GXYLT2: variants seen among roughly 807,000 people sequenced by gnomAD.
GXYLT2 encodes glycosyltransferase 8 domain containing 4.
A neutral mutation model predicts 45.8 loss-of-function variants in GXYLT2; 53 were observed. That is an observed-to-expected ratio of 1.16 (90% CI 0.93 to 1.46). The LOEUF (loss-of-function observed/expected upper bound fraction) is 1.46. Ranked by LOEUF, GXYLT2 falls within the 40% of genes most tolerant of loss-of-function variation. GXYLT2 has a pLI of 0.00. For missense variants in GXYLT2, 551 were observed against 544.4 expected (o/e 1.01, Z -0.12); for synonymous variants, 219 against 214.2 (o/e 1.02, Z -0.19).
chr3:72,930,017 T>G (rs1709997643), intron 3 of GXYLT2, among the ~76,000 whole-genome samples: 2 of 150,072 alleles, frequency 1.3e-5, no homozygotes, highest in African/African-American at 4.9e-5. Flanking sequence ...AAATACAAAA[T>G]TAGCTGGGCG....
chr3:72,962,703 T>C (rs1257496325), intron 5 of GXYLT2, among the ~76,000 whole-genome samples: 1 of 152,150 alleles, frequency 6.6e-6, no homozygotes, highest in Non-Finnish European at 1.5e-5. Flanking sequence ...CTACCTTTTG[T>C]TGGAGGAGGT....
chr3:72,900,461 T>C (rs1451077315), intron 1 of GXYLT2, among the ~76,000 whole-genome samples: 1 of 152,132 alleles, frequency 6.6e-6, no homozygotes, highest in Non-Finnish European at 1.5e-5. Flanking sequence ...TTGCCCAGGC[T>C]GGAATGCAAA....
intron 1 of GXYLT2, among the ~76,000 whole-genome samples, chr3:72,891,507 A>G (rs1019357784): frequency 3.3e-5 from 5 of 152,176 alleles, no homozygotes; most frequent in Non-Finnish European, 7.3e-5. Context: ...CTCCTTCTCT[A>G]TAAATATAAA....
intron 3 of GXYLT2, among the ~76,000 whole-genome samples, chr3:72,934,868 A>G (rs1171650959): frequency 6.6e-6 from 1 of 152,242 alleles, no homozygotes; most frequent in Non-Finnish European, 1.5e-5. Flanking sequence ...AGAAAATTAC[A>G]GAGATTTGGA....
At chr3:72,929,446 T>C (rs1709983118) in intron 3 of GXYLT2, 4 of 1,488,458 alleles carry the variant, frequency 2.7e-6, no homozygotes, top group East Asian at 2.3e-5. Flanking sequence ...TGTGACTTCA[T>C]TGAGACACAT....
At chr3:72,972,033 C>T (rs923310987) in intron 6 of GXYLT2, among the ~76,000 whole-genome samples, 3 of 151,356 alleles carry the variant, frequency 2.0e-5, no homozygotes, top group South Asian at 4.1e-4. Context: ...TTCTCTCTCT[C>T]TTCTTGCTTA....
At position 72,952,084 on chromosome 3, in the gene GXYLT2, C is replaced by T. The variant is rs113118637; in HGVS notation, c.601-3014C>T. Among the ~76,000 whole-genome samples the T allele has an allele frequency of 8.6e-3, 1,296 of 151,198 alleles. 12 individuals are homozygous for T. Among genetic ancestry groups the T allele is most frequent in the African/African-American group, 0.03 (1,241 of 41,052 alleles). ...GTGTCATCATTTCGGCTCACTGCAA[C>T]GCTCACCTCCCGGGCTCAAGCAATT... On this transcript the variant is annotated intron_variant, in intron 3 of 6. Transcript: ENST00000389617.
chr3:72,957,403 C>A lies in GXYLT2; in HGVS notation c.976+51C>A, dbSNP rs1257606171. On this transcript the variant is annotated intron_variant, in intron 5 of 6. Coordinates refer to ENST00000389617, the MANE Select transcript of GXYLT2 (RefSeq NM_001080393.2). Reference sequence around the variant, plus strand: ...TTGTGTAGGAGTACACTCAGCACACCCCACGGAGCACATTCCATGCCCGGG... The same window carrying A: ...TTGTGTAGGAGTACACTCAGCACACACCACGGAGCACATTCCATGCCCGGG... The A allele has an allele frequency of 9.1e-6, 14 of 1,530,336 alleles. No homozygotes were observed. The East Asian group carries it at 3.2e-4, about 35-fold the overall frequency. 94.8% of individuals were successfully genotyped at this position (1,530,336 alleles called of 1,614,324 possible).
intron 6 of GXYLT2, among the ~76,000 whole-genome samples, chr3:72,972,837 T>TG (rs1711017930): frequency 9.0e-6 from 1 of 111,548 alleles, no homozygotes; most frequent in Non-Finnish European, 1.8e-5. Context: ...GGGTTGGGGC[T>TG]GGGGTGGGAA....
chr3:72,906,172 A>G (rs1316591485), intron 1 of GXYLT2, among the ~76,000 whole-genome samples: 1 of 152,194 alleles, frequency 6.6e-6, no homozygotes, highest in Non-Finnish European at 1.5e-5. Context: ...GTTGACTTAA[A>G]TAGCAAACAT....
intron 3 of GXYLT2, among the ~76,000 whole-genome samples, chr3:72,935,726 A>G (rs976237319): frequency 6.6e-6 from 1 of 152,238 alleles, no homozygotes; most frequent in Admixed American, 6.5e-5. Flanking sequence ...CACAGGCAAC[A>G]TTATTTTCAA....
intron 5 of GXYLT2, among the ~76,000 whole-genome samples, chr3:72,965,304 C>G (rs1710844703): frequency 6.6e-6 from 1 of 152,198 alleles, no homozygotes; most frequent in African/African-American, 2.4e-5. Flanking sequence ...TATTTGCTTT[C>G]CATCTTGAAG....
chr3:72,913,649 T>G (rs1389146794), intron 2 of GXYLT2, among the ~76,000 whole-genome samples: 1 of 151,996 alleles, frequency 6.6e-6, no homozygotes, highest in Non-Finnish European at 1.5e-5. Context: ...GAGCCAAGAT[T>G]ACGCCACTGT....
chr3:72,907,204 C>T (rs1013059046), intron 1 of GXYLT2, among the ~76,000 whole-genome samples: 2 of 152,184 alleles, frequency 1.3e-5, no homozygotes, highest in African/African-American at 4.8e-5. Flanking sequence ...TAACTCTCCG[C>T]ATCTGGTCTT....
At chr3:72,950,445 T>C (rs1283816098) in intron 3 of GXYLT2, among the ~76,000 whole-genome samples, 1 of 151,810 alleles carries the variant, frequency 6.6e-6, no homozygotes, top group Admixed American at 6.6e-5. Flanking sequence ...CAGGCGACAG[T>C]GCGAGACTTC....
chr3:72,928,803 A>G (rs552367389), intron 3 of GXYLT2, among the ~76,000 whole-genome samples: 3 of 152,150 alleles, frequency 2.0e-5, no homozygotes, highest in Admixed American at 6.6e-5. Context: ...AACCCCATAA[A>G]AAAATAAATT....
chr3:72,904,877 C>CAAAAAAAA (rs774693806), intron 1 of GXYLT2, among the ~76,000 whole-genome samples: 2 of 30,636 alleles, frequency 6.5e-5, no homozygotes, highest in African/African-American at 1.6e-4. Flanking sequence ...ACTAAAGATA[C>CAAAAAAAA]AAAAAAAAAA....
chr3:72,903,493 C>T (rs1252528558), intron 1 of GXYLT2, among the ~76,000 whole-genome samples: 6 of 152,160 alleles, frequency 3.9e-5, no homozygotes, highest in Non-Finnish European at 5.9e-5. Flanking sequence ...CATAGCTGAA[C>T]TATGGGTGGT....
rs115136196 is a variant in GXYLT2 at position 72,892,207 on chromosome 3, G to A, written c.275+3699G>A. Among the ~76,000 whole-genome samples, 902 of 152,314 alleles carry A rather than the reference G, an allele frequency of 5.9e-3. 8 individuals carry two copies. Among genetic ancestry groups the A allele is most frequent in the African/African-American group, 0.019 (798 of 41,558 alleles). On this transcript the variant is annotated intron_variant, in intron 1 of 6. Transcript: ENST00000389617. ...GATGATCCTATGATGAGATCATCAA[G>A]TTTAGCAGCAAAATCCCAACAATGG... is the stretch of plus-strand genomic sequence containing the variant.
Sources: allele counts gnomAD v4.1 joint callset (sites outside exome capture counted in the v4.1 genomes callset), GRCh38; gene constraint gnomAD v4.1.1; transcripts MANE v1.5; gene names NCBI Gene and HGNC (gene_info 2026-07-23, HGNC 2026-07-21).